Variants in SEL1L2 observed in about 807,000 individuals in gnomAD.
SEL1L2 encodes SEL1L2 adaptor subunit of SYVN1 ubiquitin ligase.
A neutral mutation model predicts 98.8 loss-of-function variants in SEL1L2; 89 were observed. The ratio of observed to expected loss-of-function variants is 0.90; its 90% CI spans 0.76 to 1.07. The LOEUF (loss-of-function observed/expected upper bound fraction) is 1.07, where lower values mean the gene tolerates loss of function less well. Among genes scored for constraint, SEL1L2 ranks in the 50% least tolerant of loss-of-function variants. SEL1L2 has a pLI of 0.00. For missense variants in SEL1L2, 788 were observed against 812.0 expected (o/e 0.97, Z 0.36); for synonymous variants, 262 against 278.5 (o/e 0.94, Z 0.59).
intron 18 of SEL1L2, among the ~76,000 whole-genome samples, chr20:13,853,870 A>G (rs1258446507): frequency 6.6e-6 from 1 of 152,240 alleles, no homozygotes; most frequent in Non-Finnish European, 1.5e-5. Context: ...CATTCTCGTT[A>G]CTTGTAGAAA....
intron 5 of SEL1L2, among the ~76,000 whole-genome samples, chr20:13,906,064 C>CG: frequency 6.6e-6 from 1 of 151,830 alleles, no homozygotes; most frequent in East Asian, 1.9e-4. Context: ...TTAGTTGAGA[C>CG]GGGGTTTCAC....
intron 1 of SEL1L2, among the ~76,000 whole-genome samples, chr20:13,988,724 T>C (rs2052378552): frequency 6.6e-6 from 1 of 152,166 alleles, no homozygotes; most frequent in Non-Finnish European, 1.5e-5. Context: ...AAAGATTGTG[T>C]TGAAGCCCAG....
chr20:13,858,589 C>T (rs945990921), intron 18 of SEL1L2, among the ~76,000 whole-genome samples: 6 of 152,178 alleles, frequency 3.9e-5, no homozygotes, highest in South Asian at 4.1e-4. Context: ...CTATTATTAT[C>T]GTTATTGATA....
chr20:13,879,512 C>G (rs2046595925), intron 10 of SEL1L2, among the ~76,000 whole-genome samples: 1 of 152,016 alleles, frequency 6.6e-6, no homozygotes, highest in Non-Finnish European at 1.5e-5. Flanking sequence ...ACCACCACAA[C>G]TGGCTCATTT....
intron 12 of SEL1L2, among the ~76,000 whole-genome samples, chr20:13,871,683 C>T (rs552464825): frequency 3.6e-4 from 54 of 151,066 alleles, no homozygotes; most frequent in African/African-American, 1.3e-3. Flanking sequence ...AGCTGTTTTT[C>T]GTATTTTTAA....
chr20:13,921,649 T>C (rs1424774716), intron 3 of SEL1L2, among the ~76,000 whole-genome samples: 1 of 152,196 alleles, frequency 6.6e-6, no homozygotes, highest in Admixed American at 6.5e-5. Context: ...AGTATTACTT[T>C]CAATAAACAA....
At chr20:13,888,950 T>C (rs2047086267) in intron 5 of SEL1L2, among the ~76,000 whole-genome samples, 1 of 149,120 alleles carries the variant, frequency 6.7e-6, no homozygotes. Flanking sequence ...CCGGCCTCTT[T>C]CTTTTCTTTT....
rs2046282047 is a variant in SEL1L2, at chr20:13,873,171, G to A, written c.1104+2867C>T. 1.3e-5 allele frequency among the ~76,000 whole-genome samples: 2 copies of A among 150,898 alleles called. 1 individual carries two copies. Among genetic ancestry groups the A allele is most frequent in the African/African-American group, 4.9e-5 (2 of 41,010 alleles). On this transcript the variant is annotated intron_variant, in intron 12 of 19. Coordinates refer to ENST00000284951, the MANE Select transcript of SEL1L2 (RefSeq NM_025229.2). ...ATGCCTGGCTAATTTTGTACTTTCT[G>A]TAGACACGGGATTTCACCATGTTGA...
At chr20:13,966,115 G>T (rs1021350339) in intron 1 of SEL1L2, among the ~76,000 whole-genome samples, 16 of 152,126 alleles carry the variant, frequency 1.1e-4, no homozygotes, top group African/African-American at 3.9e-4. Context: ...TCAACACAGG[G>T]TTGCCACAAA....
At chr20:13,865,058 ATAT>A in intron 17 of SEL1L2, 106 bp downstream of exon 17, 1 of 766,774 alleles carries the variant, frequency 1.3e-6, no homozygotes, top group Non-Finnish European at 2.2e-6. Context: ...CACCTACTTG[ATAT>A]TCTACCCTTT....
upstream of SEL1L2, chr20:13,990,743 C>T: frequency 1.9e-6 from 1 of 525,104 alleles, no homozygotes. Flanking sequence ...AAAGGATCCA[C>T]TGCTATTCCT....
At chr20:13,920,499 A>G (rs2048611695) in intron 3 of SEL1L2, among the ~76,000 whole-genome samples, 1 of 152,190 alleles carries the variant, frequency 6.6e-6, no homozygotes, top group Admixed American at 6.6e-5. Flanking sequence ...GGGAAGAGTC[A>G]CACTTAAAGA....
chr20:13,915,583 G>A (rs1568960754), intron 4 of SEL1L2, among the ~76,000 whole-genome samples: 1 of 152,094 alleles, frequency 6.6e-6, no homozygotes, highest in East Asian at 1.9e-4. Flanking sequence ...CCAATAGTAC[G>A]CCTAGTAGCT....
At chr20:13,946,210 C>A (rs558438095) in intron 2 of SEL1L2, among the ~76,000 whole-genome samples, 1 of 152,106 alleles carries the variant, frequency 6.6e-6, no homozygotes, top group East Asian at 1.9e-4. Flanking sequence ...ATTATCTGTT[C>A]ACAGAAGATA....
chr20:13,892,491 G>T (rs2047247702), intron 5 of SEL1L2, among the ~76,000 whole-genome samples: 1 of 150,776 alleles, frequency 6.6e-6, no homozygotes, highest in East Asian at 1.9e-4. Flanking sequence ...ATTATTCATG[G>T]TAATCACAAA....
At chr20:13,876,305 A>G (rs1259758740) in intron 11 of SEL1L2, among the ~76,000 whole-genome samples, 190 bp from the exon 12 acceptor site, 1 of 152,148 alleles carries the variant, frequency 6.6e-6, no homozygotes, top group Admixed American at 6.5e-5. Flanking sequence ...CCTCAATTTA[A>G]AACAAGAAAA....
At chr20:13,920,237 A>G (rs969116275) in intron 3 of SEL1L2, among the ~76,000 whole-genome samples, 1 of 151,400 alleles carries the variant, frequency 6.6e-6, no homozygotes, top group African/African-American at 2.4e-5. Context: ...CAAAAAAAAA[A>G]AAAAAAAAAA....
chr20:13,865,614 A>G, intron 15 of SEL1L2, 100 bp from the exon 16 acceptor site: 7 of 1,063,196 alleles, frequency 6.6e-6, no homozygotes, highest in Non-Finnish European at 9.5e-6. Flanking sequence ...CCAGCTGGTC[A>G]GGGAAGGATT....
At chr20:13,913,115 C>A (rs2048271258) in intron 5 of SEL1L2, among the ~76,000 whole-genome samples, 1 of 152,164 alleles carries the variant, frequency 6.6e-6, no homozygotes, top group Non-Finnish European at 1.5e-5. Context: ...GGGGGGAAAG[C>A]TTTTAGAAAA....
Sources: allele counts gnomAD v4.1 joint callset (sites outside exome capture counted in the v4.1 genomes callset), GRCh38; gene constraint gnomAD v4.1.1; transcripts MANE v1.5; gene names NCBI Gene and HGNC (gene_info 2026-07-23, HGNC 2026-07-21).